Variants in OLA1 observed in about 807,000 individuals in gnomAD.
The protein encoded by OLA1 is Obg like ATPase 1, also known as obg-like ATPase 1.
In OLA1, 14 loss-of-function variants were observed where a neutral mutation model predicts 48.4. That is an observed-to-expected ratio of 0.29 (90% confidence interval 0.19 to 0.45). The LOEUF (loss-of-function observed/expected upper bound fraction) is 0.45, where lower values mean the gene tolerates loss of function less well. Ranked by LOEUF, OLA1 falls within the 20% of genes least tolerant of loss-of-function variation. OLA1 has a pLI of 1.00. For synonymous variants in OLA1, 127 were observed against 150.4 expected, an observed-to-expected ratio of 0.84 and a Z score of 1.14; for missense variants, 325 against 467.1, an observed-to-expected ratio of 0.70 and a Z score of 2.80.
chr2:174,164,578 G>T (rs957054594), intron 4 of OLA1, among the ~76,000 whole-genome samples: 7 of 152,052 alleles, frequency 4.6e-5, no homozygotes, highest in African/African-American at 1.7e-4. Context: ...TGAGATAAAT[G>T]TATTTTCCAG....
intron 4 of OLA1, chr2:174,217,736 T>C (rs1038192300): frequency 2.0e-5 from 3 of 152,152 alleles, no homozygotes; most frequent in African/African-American, 4.8e-5. Flanking sequence ...CTAATTAGTA[T>C]GCATTTTCTA....
chr2:174,132,036 C>T (rs1003961819), intron 5 of OLA1, among the ~76,000 whole-genome samples: 12 of 152,102 alleles, frequency 7.9e-5, no homozygotes, highest in African/African-American at 2.6e-4. Flanking sequence ...AGTTCGATTT[C>T]TTTGATAGAT....
chr2:174,082,165 G>A (rs1684870677), intron 7 of OLA1, 101 bp from the exon 8 acceptor site: 6 of 1,292,900 alleles, frequency 4.6e-6, no homozygotes, highest in Admixed American at 1.9e-5. Context: ...AGAATTGCAC[G>A]GTTTTATGAT....
chr2:174,226,476 T>C (rs1336265069), intron 3 of OLA1, among the ~76,000 whole-genome samples: 1 of 152,012 alleles, frequency 6.6e-6, no homozygotes, highest in Non-Finnish European at 1.5e-5. Flanking sequence ...CATTTATTAA[T>C]GTTCTTTTTT....
intron 7 of OLA1, among the ~76,000 whole-genome samples, chr2:174,121,892 T>C (rs1685923297): frequency 6.6e-6 from 1 of 152,210 alleles, no homozygotes. Flanking sequence ...TCCCTTTTCA[T>C]GTAAACTTTG....
chr2:174,160,769 T>G (rs1686991143), intron 4 of OLA1, among the ~76,000 whole-genome samples: 1 of 152,194 alleles, frequency 6.6e-6, no homozygotes, highest in African/African-American at 2.4e-5. Flanking sequence ...TTTATCTGCT[T>G]TTCTTATGCA....
intron 4 of OLA1, among the ~76,000 whole-genome samples, chr2:174,211,229 TCACTA>T (rs1188075513): frequency 1.3e-5 from 2 of 151,908 alleles, no homozygotes; most frequent in Non-Finnish European, 2.9e-5. Flanking sequence ...TCTCTTTCTC[TCACTA>T]CACTAAAGTT....
At chr2:174,203,973 T>C (rs1348224685) in intron 4 of OLA1, among the ~76,000 whole-genome samples, 1 of 151,700 alleles carries the variant, frequency 6.6e-6, no homozygotes, top group African/African-American at 2.4e-5. Context: ...TTTTGTATTT[T>C]TAGTAGAGAC....
At chr2:174,175,255 G>C (rs4549050) in intron 4 of OLA1, among the ~76,000 whole-genome samples, 17,882 of 144,738 alleles carry the variant, frequency 0.12, 1,704 homozygotes, top group African/African-American at 0.27. Flanking sequence ...CTGATAAAAT[G>C]AACATCCTAA....
intron 7 of OLA1, among the ~76,000 whole-genome samples, chr2:174,092,270 A>G (rs1685145792): frequency 1.3e-5 from 2 of 152,318 alleles, no homozygotes; most frequent in Non-Finnish European, 2.9e-5. Context: ...AGCACCACCT[A>G]TAATAGTGCT....
At chr2:174,232,076 C>A (rs1358283471) in intron 2 of OLA1, among the ~76,000 whole-genome samples, 1 of 152,070 alleles carries the variant, frequency 6.6e-6, no homozygotes, top group Non-Finnish European at 1.5e-5. Context: ...GTTTACATAA[C>A]TTATTTCAGC....
intron 4 of OLA1, among the ~76,000 whole-genome samples, chr2:174,199,449 G>C (rs1687945353): frequency 6.6e-6 from 1 of 152,124 alleles, no homozygotes; most frequent in African/African-American, 2.4e-5. Flanking sequence ...CAAGATAGTG[G>C]GGGGTTGGGA....
intron 3 of OLA1, among the ~76,000 whole-genome samples, chr2:174,227,750 A>T (rs1277315788): frequency 2.0e-5 from 3 of 152,240 alleles, no homozygotes; most frequent in Non-Finnish European, 4.4e-5. Context: ...GATGAAGATG[A>T]GAAAGCTTTT....
intron 5 of OLA1, among the ~76,000 whole-genome samples, chr2:174,139,376 C>G (rs567753164): frequency 6.6e-6 from 1 of 152,310 alleles, no homozygotes; most frequent in African/African-American, 2.4e-5. Context: ...CCTGCCAACA[C>G]CCTGACTTCA....
chr2:174,125,542 T>C (rs770047529), intron 5 of OLA1, among the ~76,000 whole-genome samples: 2 of 152,092 alleles, frequency 1.3e-5, no homozygotes, highest in African/African-American at 4.8e-5. Context: ...AAACAAAAAA[T>C]AGGGGAAGAA....
chr2:174,243,268 A>G (rs1179677590), intron 2 of OLA1, among the ~76,000 whole-genome samples: 1 of 152,190 alleles, frequency 6.6e-6, no homozygotes, highest in African/African-American at 2.4e-5. Flanking sequence ...ATCTACAAAC[A>G]ATACAAAAAT....
intron 4 of OLA1, among the ~76,000 whole-genome samples, chr2:174,157,041 A>C (rs554971908): frequency 1.3e-5 from 2 of 151,924 alleles, no homozygotes; most frequent in African/African-American, 4.9e-5. Context: ...GAAAGAAAAC[A>C]AAGTAGAATT....
chr2:174,193,971 C>T (rs992479978), intron 4 of OLA1, among the ~76,000 whole-genome samples: 20 of 152,112 alleles, frequency 1.3e-4, no homozygotes, highest in African/African-American at 4.8e-4. Context: ...TTGTGGGCCC[C>T]GCATATTCCT....
chr2:174,144,952 AT>A (rs371744940), intron 4 of OLA1, among the ~76,000 whole-genome samples: 3,416 of 48,448 alleles, frequency 0.071, 95 homozygotes, highest in East Asian at 0.088. Flanking sequence ...AAAAAAAAAA[AT>A]ATATATATAT....
Sources: allele counts gnomAD v4.1 joint callset (sites outside exome capture counted in the v4.1 genomes callset), GRCh38; gene constraint gnomAD v4.1.1; transcripts MANE v1.5; gene names NCBI Gene and HGNC (gene_info 2026-07-23, HGNC 2026-07-21).